Variants in MGST1 observed in about 807,000 individuals in gnomAD.
The protein encoded by MGST1 is microsomal glutathione S-transferase 1.
In MGST1, 5 loss-of-function variants were observed where a neutral mutation model predicts 8.9. The ratio of observed to expected loss-of-function variants is 0.56; its 90% CI spans 0.29 to 1.19. The LOEUF (loss-of-function observed/expected upper bound fraction) is 1.19. MGST1 is among the 50% of genes most tolerant of loss of function. The pLI is 0.08. For missense variants in MGST1, 182 were observed against 187.4 expected (o/e 0.97, Z 0.17); for synonymous variants, 54 against 67.8 (o/e 0.80, Z 1.00).
intron 1 of MGST1, among the ~76,000 whole-genome samples, chr12:16,384,007 C>A (rs1940481514): frequency 6.6e-6 from 1 of 151,860 alleles, no homozygotes; most frequent in Non-Finnish European, 1.5e-5. Context: ...TTCAAGAAGC[C>A]CACAAATAGG....
intron 4 of MGST1, among the ~76,000 whole-genome samples, chr12:16,558,179 G>A (rs1314011276): frequency 2.6e-5 from 4 of 152,010 alleles, no homozygotes; most frequent in Non-Finnish European, 5.9e-5. Flanking sequence ...TTAAATGTGA[G>A]TGTAATATTT....
At position 16,389,450 on chromosome 12, in the gene MGST1, A is replaced by G. The variant is rs1177491971; in HGVS notation, n.778+5846A>G. Among the ~76,000 whole-genome samples, 2 of 152,180 alleles carry G rather than the reference A, an allele frequency of 1.3e-5. No homozygotes were observed. The highest frequency in any genetic ancestry group is 2.4e-5 in the African/African-American group (1 of 41,454). On this transcript the variant is annotated intron_variant and non_coding_transcript_variant, in intron 1 of 1. Transcript: ENST00000359720. This position sits in a 1 kb window ranked among gnomAD's most constrained non-coding sequence, Gnocchi z 4.6. ...CTCTTTTTGTCTTTTTTGTGATTCC[A>G]TGGGTCGGGTCAAATTGACGGCACG...
intron 4 of MGST1, among the ~76,000 whole-genome samples, chr12:16,505,128 A>G (rs558215189): frequency 6.6e-6 from 1 of 152,272 alleles, no homozygotes; most frequent in African/African-American, 2.4e-5. Flanking sequence ...CACATCCCAG[A>G]GGGCAATCTC....
At chr12:16,417,878 C>G (rs1334069407) in intron 1 of MGST1, among the ~76,000 whole-genome samples, 3 of 152,060 alleles carry the variant, frequency 2.0e-5, no homozygotes, top group Admixed American at 1.3e-4. Context: ...AATACAAAAG[C>G]AGTAAAGCAA....
intron 4 of MGST1, among the ~76,000 whole-genome samples, chr12:16,476,831 C>A (rs143419930): frequency 3.5e-4 from 53 of 152,162 alleles, no homozygotes; most frequent in African/African-American, 1.3e-3. Flanking sequence ...TCGAGGTAAT[C>A]GACTGAAATA....
intron 1 of MGST1, among the ~76,000 whole-genome samples, chr12:16,420,445 A>G (rs774623801): frequency 2.6e-5 from 4 of 152,236 alleles, no homozygotes; most frequent in Non-Finnish European, 5.9e-5. Context: ...ATATAGATTA[A>G]AAAAACTATC....
intron 1 of MGST1, among the ~76,000 whole-genome samples, chr12:16,420,386 T>G (rs1379852711): frequency 6.6e-6 from 1 of 152,198 alleles, no homozygotes; most frequent in African/African-American, 2.4e-5. Context: ...TTAAACTTAT[T>G]CTCATAATGA....
At chr12:16,364,471 G>A (rs964012070), downstream of MGST1, 2 of 891,580 alleles carry the variant, frequency 2.2e-6, no homozygotes, top group African/African-American at 1.8e-5. The surrounding 1 kb of genome is among the most constrained non-coding windows in gnomAD (Gnocchi z 5.7). Flanking sequence ...CTAGGGTAAA[G>A]TTGAAAAATA....
chr12:16,567,300 CTTT>C (rs1942652770), intron 4 of MGST1: 1 of 155,262 alleles, frequency 6.4e-6, no homozygotes, highest in African/African-American at 2.4e-5. Flanking sequence ...TTCAATGAAC[CTTT>C]TTTAATGAAA....
At chr12:16,426,772 A>G (rs1235032865) in intron 1 of MGST1, among the ~76,000 whole-genome samples, 2 of 152,112 alleles carry the variant, frequency 1.3e-5, no homozygotes, top group Non-Finnish European at 2.9e-5. Flanking sequence ...TAACACAGTG[A>G]AACCCCATCT....
Position 16,548,406 on chromosome 12 carries a change from C to T in MGST1, n.483-41122C>T, listed in dbSNP as rs1386141637. The T allele has an allele frequency of 6.6e-6, 1 of 151,838 alleles. No individual in the cohort carries two copies. The highest frequency in any genetic ancestry group is 2.4e-5 in the African/African-American group (1 of 41,324). 9.4% of individuals were successfully genotyped at this position (151,838 alleles called of 1,614,324 possible). ...ACCCCTTTTATTAAAAACATAAATC[C>T]AAATGTAAAAAAGTGAATGAAAGAA... is the stretch of plus-strand genomic sequence containing the variant. On this transcript the variant is annotated intron_variant and non_coding_transcript_variant, in intron 4 of 4. Coordinates refer to the MGST1 transcript ENST00000538857. This position sits in a 1 kb window ranked among gnomAD's most constrained non-coding sequence, Gnocchi z 4.2.
chr12:16,383,047 C>CT (rs1940471667), exon 1 of MGST1: 1 of 152,560 alleles, frequency 6.6e-6, no homozygotes, highest in African/African-American at 2.4e-5. Flanking sequence ...CGTCTCTCAC[C>CT]CCTTTCTTTG....
Position 16,410,224 on chromosome 12 carries a change from C to G in MGST1, n.778+26620C>G, listed in dbSNP as rs895527335. Reference sequence around the variant, plus strand: ...TGGAGATTAGCCTATCTTGTCTGCTCTTTGACATTTTAAGATGATTTACCA... The same window carrying G: ...TGGAGATTAGCCTATCTTGTCTGCTGTTTGACATTTTAAGATGATTTACCA... On this transcript the variant is annotated intron_variant and non_coding_transcript_variant, in intron 1 of 1. Transcript: ENST00000359720. The surrounding 1 kb of genome is among the most constrained non-coding windows in gnomAD (Gnocchi z 4.4). Among the ~76,000 whole-genome samples, 1 of 152,272 alleles carries G rather than the reference C, an allele frequency of 6.6e-6. No individual in the cohort carries two copies. Among genetic ancestry groups the G allele is most frequent in the South Asian group, 2.1e-4 (1 of 4,828 alleles).
At chr12:16,465,966 C>T (rs1941251916) in intron 4 of MGST1, among the ~76,000 whole-genome samples, 1 of 152,108 alleles carries the variant, frequency 6.6e-6, no homozygotes, top group African/African-American at 2.4e-5. Context: ...TTTGTATGTG[C>T]GTTCTCAGTT....
chr12:16,407,474 A>G lies in MGST1; in HGVS notation n.778+23870A>G, dbSNP rs1056804533. 3.3e-5 allele frequency among the ~76,000 whole-genome samples: 5 copies of G among 152,336 alleles called. No homozygotes were observed. The East Asian group carries it at 9.6e-4, about 29-fold the overall frequency. On this transcript the variant is annotated intron_variant and non_coding_transcript_variant, in intron 1 of 1. Coordinates refer to the MGST1 transcript ENST00000359720. ...TAATATACTGCTGGTGGGAGTGTAA[A>G]TAAGTTCAACCATTGTGGAAAGCAG...
At chr12:16,508,350 T>C (rs1941554296) in intron 4 of MGST1, among the ~76,000 whole-genome samples, 1 of 152,176 alleles carries the variant, frequency 6.6e-6, no homozygotes, top group African/African-American at 2.4e-5. Flanking sequence ...TCCCTCAGAG[T>C]ACTGTGTTCC....
intron 1 of MGST1, among the ~76,000 whole-genome samples, chr12:16,420,742 T>G (rs1216857191): frequency 6.6e-6 from 1 of 152,096 alleles, no homozygotes; most frequent in Non-Finnish European, 1.5e-5. Context: ...GTGAGAATGC[T>G]CTCTTCTGCT....
intron 4 of MGST1, among the ~76,000 whole-genome samples, chr12:16,527,935 GA>G (rs1275517332): frequency 4.6e-5 from 7 of 151,898 alleles, no homozygotes; most frequent in Non-Finnish European, 8.8e-5. Context: ...TCAACCTATA[GA>G]AAAAAGAATA....
chr12:16,467,331 T>C (rs1339770453), intron 4 of MGST1, among the ~76,000 whole-genome samples: 1 of 152,254 alleles, frequency 6.6e-6, no homozygotes, highest in Non-Finnish European at 1.5e-5. Flanking sequence ...TTCCATGCCA[T>C]ATTAGCATTT....
Sources: allele counts gnomAD v4.1 joint callset (sites outside exome capture counted in the v4.1 genomes callset), GRCh38; gene constraint gnomAD v4.1.1; non-coding constraint Gnocchi (gnomAD v3.1); transcripts MANE v1.5; gene names NCBI Gene and HGNC (gene_info 2026-07-23, HGNC 2026-07-21).